Variants in VWA8 observed in about 807,000 individuals in gnomAD.
VWA8 encodes von Willebrand factor A domain containing 8, also known as von Willebrand factor A domain-containing protein 8.
Under a neutral mutation model 241.5 loss-of-function variants are expected in VWA8, and 221 were observed. The observed-to-expected ratio is 0.91, with a 90% CI of 0.82 to 1.02. The LOEUF is 1.02. Among genes scored for constraint, VWA8 ranks in the 50% least tolerant of loss-of-function variants. The pLI is 0.00. For missense variants in VWA8, 2,322 were observed against 2,328.7 expected (o/e 1.00, Z 0.06); for synonymous variants, 852 against 827.1 (o/e 1.03, Z -0.52).
chr13:41,910,867 A>G (rs967389866), intron 3 of VWA8, among the ~76,000 whole-genome samples: 2 of 152,120 alleles, frequency 1.3e-5, no homozygotes, highest in Admixed American at 6.5e-5. Flanking sequence ...AAGAGTGTAC[A>G]AGGTAGATTT....
intron 24 of VWA8, among the ~76,000 whole-genome samples, chr13:41,726,128 T>C: frequency 6.6e-6 from 1 of 150,552 alleles, no homozygotes; most frequent in East Asian, 1.9e-4. Context: ...TGAGTATTGA[T>C]TTTTTTTTTC....
chr13:41,784,709 T>TACATATACATATACATATAC lies in VWA8; in HGVS notation c.2171-809_2171-808insGTATATGTATATGTATATGT, dbSNP rs1566456249. 2.6e-3 allele frequency among the ~76,000 whole-genome samples: 158 copies of TACATATACATATACATATAC among 60,246 alleles called. 4 individuals carry two copies. The highest frequency in any genetic ancestry group is 3.4e-3 in the Non-Finnish European group (92 of 26,812). 39.5% of individuals were successfully genotyped at this position (60,246 alleles called of 152,430 possible). On this transcript the variant is annotated intron_variant, in intron 18 of 44. Coordinates refer to ENST00000379310, the MANE Select transcript of VWA8 (RefSeq NM_015058.2). ...ACATATACATATACATATATATATATATATATATATATATATATATACACA... is the reference window on the plus strand; with the variant it reads ...ACATATACATATACATATATATATATACATATACATATACATATACATATATATATATATATATATACACA...
chr13:41,690,888 C>G (rs1303657417), intron 32 of VWA8, among the ~76,000 whole-genome samples: 2 of 152,004 alleles, frequency 1.3e-5, no homozygotes, highest in Non-Finnish European at 2.9e-5. Context: ...ATAACCACAT[C>G]CAAACCAGAA....
At chr13:41,650,480 T>G (rs2044862017) in intron 37 of VWA8, among the ~76,000 whole-genome samples, 1 of 152,236 alleles carries the variant, frequency 6.6e-6, no homozygotes, top group Non-Finnish European at 1.5e-5. Context: ...TAGGCAATAG[T>G]CACTAGTGAA....
chr13:41,765,463 T>C (rs1205438652), intron 20 of VWA8, among the ~76,000 whole-genome samples: 1 of 152,250 alleles, frequency 6.6e-6, no homozygotes. Context: ...GAGGAAATGC[T>C]GAAAGCTTCA....
At chr13:41,798,474 A>G (rs554774005) in intron 17 of VWA8, among the ~76,000 whole-genome samples, 23 of 152,344 alleles carry the variant, frequency 1.5e-4, no homozygotes, top group African/African-American at 5.0e-4. Flanking sequence ...CTTTCAGGAT[A>G]CTATCCAATC....
intron 1 of VWA8, among the ~76,000 whole-genome samples, chr13:41,955,406 T>C (rs1181096167): frequency 6.6e-6 from 1 of 152,214 alleles, no homozygotes; most frequent in Non-Finnish European, 1.5e-5. Context: ...GTCTTTATTA[T>C]TATCCTGAGA....
intron 14 of VWA8, among the ~76,000 whole-genome samples, chr13:41,821,476 T>TA (rs1420161755): frequency 1.3e-5 from 2 of 152,184 alleles, no homozygotes; most frequent in Non-Finnish European, 2.9e-5. Flanking sequence ...GCCAGAAAGT[T>TA]AGAGAGCAGA....
chr13:41,681,335 C>T (rs2137808279), intron 35 of VWA8, among the ~76,000 whole-genome samples: 1 of 152,162 alleles, frequency 6.6e-6, no homozygotes, highest in East Asian at 1.9e-4. Context: ...CTAGACCTAT[C>T]AAGATGGCCC....
intron 40 of VWA8, among the ~76,000 whole-genome samples, chr13:41,594,428 T>C (rs1019879051): frequency 4.6e-5 from 7 of 152,074 alleles, no homozygotes. Context: ...ATTTTTGTGA[T>C]TTCTAATGCA....
intron 9 of VWA8, among the ~76,000 whole-genome samples, chr13:41,873,320 A>C (rs1873732039): frequency 6.6e-6 from 1 of 152,220 alleles, no homozygotes; most frequent in Non-Finnish European, 1.5e-5. Context: ...GAAGGCAAGA[A>C]ATAACTAAAA....
intron 4 of VWA8, among the ~76,000 whole-genome samples, chr13:41,892,666 G>A (rs1268149106): frequency 1.3e-5 from 2 of 152,112 alleles, no homozygotes; most frequent in Non-Finnish European, 2.9e-5. Flanking sequence ...CTCATATGGG[G>A]TCCCTCAGAC....
chr13:41,596,176 A>G (rs1162273173), intron 40 of VWA8, among the ~76,000 whole-genome samples: 1 of 152,154 alleles, frequency 6.6e-6, no homozygotes, highest in East Asian at 1.9e-4. Flanking sequence ...AGTCAAAACT[A>G]TTAGGCACAA....
intron 12 of VWA8, among the ~76,000 whole-genome samples, chr13:41,864,015 C>A (rs1351630591): frequency 1.3e-5 from 2 of 151,762 alleles, no homozygotes; most frequent in Non-Finnish European, 2.9e-5. Flanking sequence ...ATAGGTATTT[C>A]TCCAAAGAAG....
chr13:41,798,854 T>C (rs1360021679), intron 17 of VWA8, among the ~76,000 whole-genome samples: 2 of 152,150 alleles, frequency 1.3e-5, no homozygotes, highest in Admixed American at 6.5e-5. Flanking sequence ...CTGTGCTGCA[T>C]CCCAGGCTAT....
At chr13:41,893,169 T>A (rs917743008) in intron 4 of VWA8, among the ~76,000 whole-genome samples, 28 of 152,180 alleles carry the variant, frequency 1.8e-4, no homozygotes, top group Non-Finnish European at 3.5e-4. Context: ...CAAATAAATT[T>A]CTGGAGTAGC....
chr13:41,849,886 CAAAAAA>C lies in VWA8; in HGVS notation c.1425+15844_1425+15849del, dbSNP rs201079950. ...TGGGTGACAGAGTGAGACTCTGTCT[CAAAAAA>C]AAAAAAGAAAAGAAAAAGAAAACAG... On this transcript the variant is annotated intron_variant, in intron 12 of 44. Transcript: ENST00000379310. Among the ~76,000 whole-genome samples, 9 of 130,928 alleles carry C rather than the reference CAAAAAA, an allele frequency of 6.9e-5. No individual in the cohort carries two copies. In the East Asian group the frequency reaches 1.7e-3, roughly 25 times the overall value. The allele number at this position is 130,928 out of a possible 152,430, so 85.9% of individuals were successfully genotyped here.
chr13:41,883,771 C>T (rs1036719783), intron 8 of VWA8, among the ~76,000 whole-genome samples: 6 of 152,164 alleles, frequency 3.9e-5, no homozygotes, highest in African/African-American at 1.4e-4. Flanking sequence ...GAGCTCTAAA[C>T]CTGAACCCTC....
intron 10 of VWA8, 22 bp downstream of exon 10, chr13:41,868,324 G>A (rs1300975802): frequency 6.2e-7 from 1 of 1,613,012 alleles, no homozygotes; most frequent in Non-Finnish European, 8.5e-7. Context: ...ATCATAGAAA[G>A]AATAAACCTG....
Sources: allele counts gnomAD v4.1 joint callset (sites outside exome capture counted in the v4.1 genomes callset), GRCh38; gene constraint gnomAD v4.1.1; transcripts MANE v1.5; gene names NCBI Gene and HGNC (gene_info 2026-07-23, HGNC 2026-07-21).